KRT35: variants seen among roughly 807,000 people sequenced by gnomAD.
The protein encoded by KRT35 is keratin 35, also known as keratin, type I cuticular Ha5.
A neutral mutation model predicts 42.2 loss-of-function variants in KRT35; 33 were observed. The ratio of observed to expected loss-of-function variants is 0.78; its 90% CI spans 0.59 to 1.05. KRT35 has a LOEUF of 1.05. Among genes scored for constraint, KRT35 ranks in the 50% least tolerant of loss-of-function variants. KRT35 has a pLI of 0.00. For synonymous variants in KRT35, 218 were observed against 238.2 expected, an observed-to-expected ratio of 0.92 and a Z score of 0.78; for missense variants, 585 against 589.2, an observed-to-expected ratio of 0.99 and a Z score of 0.07.
Position 41,477,687 on chromosome 17 carries a change from G to T in KRT35, c.1051C>A (p.Gln351Lys), listed in dbSNP as rs558133994. 6.2e-7 allele frequency: 1 copy of T among 1,614,212 alleles called. No individual in the cohort carries two copies. The highest frequency in any genetic ancestry group is 8.5e-7 in the Non-Finnish European group (1 of 1,180,044). ...LAETEARYSSQLAQMQCMITN... is the reference protein window; with the variant it reads ...LAETEARYSSKLAQMQCMITN... ...ATCATGCACTGCATCTGGGCCAGCT[G>T]GGAGCTATAGCGGGCCTCCGTCTCT... Residue 351 changes from glutamine to lysine, a missense_variant, in exon 6 of 7, where the codon CAG becomes AAG. Coordinates refer to ENST00000246639, the MANE Select transcript of KRT35 (RefSeq NM_002280.6).
Position 41,478,485 on chromosome 17 carries a change from C to T in KRT35, c.875G>A (p.Ser292Asn). The change falls in exon 5 of 7, where the codon AGT (serine) becomes AAT (asparagine). Residue 292 changes from serine to asparagine, a missense_variant and splice_region_variant. Ser to Asn is a conservative substitution (Grantham distance 46). Coordinates refer to ENST00000246639, the MANE Select transcript of KRT35 (RefSeq NM_002280.6). ...RDAEDWLDTQSEELNQQVVSS... is the reference protein window; with the variant it reads ...RDAEDWLDTQNEELNQQVVSS... ...CACCACCTGCTGGTTCAGCTCCTCACTCTGAAACATACACACACAGAACCT... is the reference window on the plus strand; with the variant it reads ...CACCACCTGCTGGTTCAGCTCCTCATTCTGAAACATACACACACAGAACCT... 2.4e-5 allele frequency: 38 copies of T among 1,613,644 alleles called. No individual in the cohort carries two copies. The highest frequency in any genetic ancestry group is 3.2e-5 in the Non-Finnish European group (38 of 1,179,694).
At position 41,477,214 on chromosome 17, in the gene KRT35, GA is replaced by G. The variant is rs761850237; in HGVS notation, c.1221-12del. The G allele has an allele frequency of 6.2e-7, 1 of 1,613,492 alleles. No homozygotes were observed. The highest frequency in any genetic ancestry group is 1.3e-5 in the African/African-American group (1 of 75,030). ...GGGTTACAGGGGAGCCTAGAAAAAA[GA>G]AAACAAATTACTGTGATTTTCCAGT... On this transcript the variant is annotated splice_polypyrimidine_tract_variant and intron_variant, in intron 6 of 6. Coordinates refer to ENST00000246639, the MANE Select transcript of KRT35 (RefSeq NM_002280.6).
Position 41,481,111 on chromosome 17 carries a change from C to A in KRT35, c.-14G>T. 1 of 1,575,674 alleles carries A rather than the reference C, an allele frequency of 6.3e-7. No homozygotes were observed. Among genetic ancestry groups the A allele is most frequent in the African/African-American group, 1.4e-5 (1 of 73,348 alleles). On this transcript the variant is annotated 5_prime_UTR_variant, in exon 1 of 7. Transcript: ENST00000246639. ...TTTGGAAGCCATGGCCCCTGCAACT[C>A]AGATGCAATTGATAGGTCTCTGAGG...
In KRT35 at chr17:41,477,218, A is replaced by T; in HGVS notation, c.1221-15T>A. 1 of 1,613,580 alleles carries T rather than the reference A, an allele frequency of 6.2e-7. No homozygotes were observed. The highest frequency in any genetic ancestry group is 8.5e-7 in the Non-Finnish European group (1 of 1,179,714). On this transcript the variant is annotated splice_polypyrimidine_tract_variant and intron_variant, in intron 6 of 6. Transcript: ENST00000246639. The stretch of plus-strand genomic sequence containing the variant: ...TACAGGGGAGCCTAGAAAAAAGAAA[A>T]CAAATTACTGTGATTTTCCAGTTGC...
In KRT35 at chr17:41,477,357, A is replaced by AG. The variant is rs1330374122; in HGVS notation, c.1221-155dup. 3.3e-5 allele frequency among the ~76,000 whole-genome samples: 5 copies of AG among 152,328 alleles called. No homozygotes were observed. The East Asian group carries it at 9.6e-4, about 29-fold the overall frequency. The stretch of plus-strand genomic sequence containing the variant: ...AAAGGGAAACAGGCCCTGAGAGGAA[A>AG]GGGGGCTTGCTGGAGTCACGTGATG... On this transcript the variant is annotated intron_variant, in intron 6 of 6. Transcript: ENST00000246639.
intron 6 of KRT35, 70 bp from the exon 7 acceptor site, chr17:41,477,273 A>G (rs1389944990): frequency 1.3e-6 from 2 of 1,548,980 alleles, no homozygotes; most frequent in African/African-American, 1.4e-5. Flanking sequence ...TAGATCCTAG[A>G]CTATGCAAAC....
At chr17:41,479,876 G>GC in intron 1 of KRT35, 95 bp from the exon 2 acceptor site, 5 of 989,764 alleles carry the variant, frequency 5.1e-6, no homozygotes, top group Non-Finnish European at 8.0e-6. Context: ...GAAGGAGGAA[G>GC]TCACCCATCC....
At chr17:41,478,013 T>G (rs1203750490) in intron 5 of KRT35, among the ~76,000 whole-genome samples, 1 of 152,224 alleles carries the variant, frequency 6.6e-6, no homozygotes, top group Non-Finnish European at 1.5e-5. Context: ...ATCAGACATC[T>G]CACTTGAGAT....
intron 2 of KRT35, 79 bp downstream of exon 2, chr17:41,479,620 C>A: frequency 6.4e-7 from 1 of 1,563,478 alleles, no homozygotes; most frequent in South Asian, 1.1e-5. Flanking sequence ...TGACAGAGTA[C>A]AGCCAAAACC....
In KRT35 at chr17:41,480,875, C is replaced by CAGCAGGGAGGCAGAG. The variant is rs777423088; in HGVS notation, c.208_222dup (p.Leu70_Ala74dup). ...CCACTGTAGCTGGTAGCGAAGCCTC[C>CAGCAGGGAGGCAGAG]AGCAGGGAGGCAGAGAGCAGGGAGG... On this transcript the variant is annotated inframe_insertion, in exon 1 of 7. Transcript: ENST00000246639. 1 of 1,614,172 alleles carries CAGCAGGGAGGCAGAG rather than the reference C, an allele frequency of 6.2e-7. No individual in the cohort carries two copies. Among genetic ancestry groups the CAGCAGGGAGGCAGAG allele is most frequent in the South Asian group, 1.1e-5 (1 of 91,084 alleles).
rs773636138 is a variant in KRT35 at position 41,477,092 on chromosome 17, GC to G, written c.1331del (p.Arg444ProfsTer16). 122 of 1,601,828 alleles carry G rather than the reference GC, an allele frequency of 7.6e-5. No individual in the cohort carries two copies. Among genetic ancestry groups the G allele is most frequent in the Non-Finnish European group, 1.0e-4 (119 of 1,175,536 alleles). On this transcript the variant is annotated frameshift_variant, in exon 7 of 7. Coordinates refer to ENST00000246639, the MANE Select transcript of KRT35 (RefSeq NM_002280.6). LOFTEE classifies it high-confidence loss of function. ...PSAARTNCSP[R>X]PICVPCPGGR... Reference sequence around the variant, plus strand: ...CCCCTGGGCAGGGCACACAAATGGGGCGGGGGCTGCAGTTTGTGCGGGCTGC... The same window carrying G: ...CCCCTGGGCAGGGCACACAAATGGGGGGGGGCTGCAGTTTGTGCGGGCTGC...
chr17:41,478,690 T>C, intron 4 of KRT35, 144 bp downstream of exon 4: 2 of 1,060,474 alleles, frequency 1.9e-6, no homozygotes, highest in Non-Finnish European at 2.7e-6. Flanking sequence ...GCAAGGTCAA[T>C]TGAAGTGGGT....
intron 3 of KRT35, 144 bp from the exon 4 acceptor site, chr17:41,479,139 C>A: frequency 1.0e-6 from 1 of 986,986 alleles, no homozygotes; most frequent in Non-Finnish European, 1.5e-6. Context: ...TGCCCACCTC[C>A]TCCCCATGCT....
At chr17:41,477,763 G>C (rs1389618834) in intron 5 of KRT35, 25 bp from the exon 6 acceptor site, 14 of 1,603,436 alleles carry the variant, frequency 8.7e-6, no homozygotes, top group Non-Finnish European at 1.2e-5. Flanking sequence ...GTTGTGTAGG[G>C]AGGAAAAAGG....
In KRT35 at chr17:41,479,423, A is replaced by G. The variant is rs1309271894; in HGVS notation, c.635T>C (p.Leu212Pro). ...CTGGGCCTCCAGGTCAGACTTGCAC[A>G]GGGTCAGGTCATCCAGGATCCTGCG... is the stretch of plus-strand genomic sequence containing the variant. ...GLRRILDDLT[L>P]CKSDLEAQVE... The change falls in exon 3 of 7, where the codon CTG becomes CCG. Residue 212 changes from leucine to proline, a missense_variant. By Grantham distance (98) the Leu-to-Pro change is moderately conservative. Transcript: ENST00000246639. 5.6e-6 allele frequency: 9 copies of G among 1,613,988 alleles called. No individual in the cohort carries two copies. The Admixed American group carries it at 1.5e-4, about 27-fold the overall frequency.
At chr17:41,479,203 C>A in intron 3 of KRT35, 144 bp downstream of exon 3, 1 of 1,052,230 alleles carries the variant, frequency 9.5e-7, no homozygotes, top group East Asian at 2.6e-5. Context: ...CCCATGCTCA[C>A]CTCCTCTTCC....
chr17:41,480,107 C>T (rs2019233071), intron 1 of KRT35, among the ~76,000 whole-genome samples: 13 of 152,200 alleles, frequency 8.5e-5, no homozygotes, highest in Admixed American at 8.5e-4. Flanking sequence ...CATTTCATTG[C>T]CAACAACATA....
Position 41,480,945 on chromosome 17 carries a change from G to C in KRT35, c.153C>G (p.Ala51=). Residue 51 remains alanine (A), a synonymous_variant, in exon 1 of 7, where the codon GCC becomes GCG. Coordinates refer to ENST00000246639, the MANE Select transcript of KRT35 (RefSeq NM_002280.6). ...SLSPVARSFS[A]CSVGLGRSSY... ...TGCTTCTGCCCAGACCCACTGAGCAGGCAGAGAAACTTCTGGCCACAGGGG... is the reference window on the plus strand; with the variant it reads ...TGCTTCTGCCCAGACCCACTGAGCACGCAGAGAAACTTCTGGCCACAGGGG... 6.2e-7 allele frequency: 1 copy of C among 1,614,194 alleles called. No individual in the cohort carries two copies. Among genetic ancestry groups the C allele is most frequent in the Non-Finnish European group, 8.5e-7 (1 of 1,180,044 alleles).
Position 41,477,049 on chromosome 17 carries a change from C to T in KRT35, c.*7G>A, listed in dbSNP as rs1387091877. The T allele has an allele frequency of 1.3e-6, 2 of 1,552,436 alleles. No homozygotes were observed. The highest frequency in any genetic ancestry group is 1.4e-5 in the African/African-American group (1 of 72,504). On this transcript the variant is annotated 3_prime_UTR_variant, in exon 7 of 7. Coordinates refer to ENST00000246639, the MANE Select transcript of KRT35 (RefSeq NM_002280.6). ...ACAATAGCCATGGCCATCTGGGTCA[C>T]CCGCTCTCAGAACCGACCCCCTGGG... is the stretch of plus-strand genomic sequence containing the variant.
Sources: gnomAD v4.1 joint callset for allele counts (sites outside exome capture counted in the v4.1 genomes callset) on GRCh38, gnomAD v4.1.1 for gene constraint, MANE v1.5 for transcripts, NCBI Gene and HGNC (gene_info 2026-07-23, HGNC 2026-07-21) for gene names.